The following ASIC2 variants were observed in gnomAD, a reference collection of about 807,000 sequenced individuals.
ASIC2 encodes the protein acid sensing ion channel subunit 2.
Under a neutral mutation model 57.3 loss-of-function variants are expected in ASIC2, and 25 were observed. The observed-to-expected ratio is 0.44, with a 90% CI of 0.32 to 0.61. ASIC2 has a LOEUF of 0.61. Among genes scored for constraint, ASIC2 ranks in the 20% least tolerant of loss-of-function variants. The probability of loss-of-function intolerance (pLI) is 0.06; values close to 1 mark genes in which losing one functional copy is unlikely to be tolerated. For synonymous variants in ASIC2, 319 were observed against 307.5 expected, an observed-to-expected ratio of 1.04 and a Z score of -0.39; for missense variants, 641 against 738.1, an observed-to-expected ratio of 0.87 and a Z score of 1.52.
At chr17:33,151,906 G>C (rs1236569986) in intron 1 of ASIC2, among the ~76,000 whole-genome samples, 1 of 152,222 alleles carries the variant, frequency 6.6e-6, no homozygotes, top group Non-Finnish European at 1.5e-5. Flanking sequence ...ATCACCCTGT[G>C]TTAAGTCATA....
At chr17:33,441,142 T>C (rs998661633) in intron 1 of ASIC2, among the ~76,000 whole-genome samples, 19 of 152,086 alleles carry the variant, frequency 1.2e-4, no homozygotes, top group African/African-American at 4.6e-4. Flanking sequence ...CTAATTTATT[T>C]ACTTATATTT....
chr17:33,395,804 G>T (rs562350812), intron 1 of ASIC2, among the ~76,000 whole-genome samples: 2 of 152,078 alleles, frequency 1.3e-5, no homozygotes, highest in Non-Finnish European at 2.9e-5. Context: ...GAGATGCCTG[G>T]TAATTTGGAA....
chr17:33,337,577 A>G (rs1274922454), intron 1 of ASIC2, among the ~76,000 whole-genome samples: 1 of 152,222 alleles, frequency 6.6e-6, no homozygotes, highest in Non-Finnish European at 1.5e-5. Context: ...AGATGTAATG[A>G]GATAATTCGT....
chr17:33,394,414 T>G (rs1910002658), intron 1 of ASIC2, among the ~76,000 whole-genome samples: 2 of 152,180 alleles, frequency 1.3e-5, no homozygotes, highest in Non-Finnish European at 2.9e-5. Flanking sequence ...CCACCAGAGT[T>G]TCAGATTCAA....
rs1048184560 is a variant in ASIC2, at chr17:33,311,118, G to A, written c.556-199051C>T. Among the ~76,000 whole-genome samples the A allele has an allele frequency of 4.6e-5, 7 of 152,152 alleles. No homozygotes were observed. The South Asian group carries it at 6.2e-4, about 13-fold the overall frequency. On this transcript the variant is annotated intron_variant, in intron 1 of 9. Coordinates refer to the ASIC2 transcript ENST00000359872. ...AGGCTGGAAAGAGAAAGAGAGGGAGGCAGCGCATCCTTAGTTGGGCACCTG... is the reference window on the plus strand; with the variant it reads ...AGGCTGGAAAGAGAAAGAGAGGGAGACAGCGCATCCTTAGTTGGGCACCTG...
intron 6 of ASIC2, among the ~76,000 whole-genome samples, chr17:33,022,742 A>G (rs988236238): frequency 5.9e-5 from 9 of 152,332 alleles, no homozygotes; most frequent in Admixed American, 5.9e-4. Flanking sequence ...CAGAGAACAA[A>G]AAAGATAGTT....
intron 1 of ASIC2, among the ~76,000 whole-genome samples, chr17:33,849,562 C>T (rs1913707490): frequency 6.6e-6 from 1 of 152,052 alleles, no homozygotes; most frequent in South Asian, 2.1e-4. Context: ...CTGGGGGTCA[C>T]CAGGGAGGTG....
chr17:33,311,493 G>A (rs1173281126), intron 1 of ASIC2, among the ~76,000 whole-genome samples: 1 of 151,910 alleles, frequency 6.6e-6, no homozygotes, highest in Non-Finnish European at 1.5e-5. Flanking sequence ...AGTCAGGGTA[G>A]GGGAATGCAG....
At chr17:33,202,342 G>A (rs1383473373) in intron 1 of ASIC2, among the ~76,000 whole-genome samples, 1 of 152,214 alleles carries the variant, frequency 6.6e-6, no homozygotes, top group East Asian at 1.9e-4. Flanking sequence ...GGGCTGTTTG[G>A]AGTCACTGGG....
At chr17:33,155,564 C>CTTTTTTTTTTTTTTTT (rs558082080) in intron 1 of ASIC2, among the ~76,000 whole-genome samples, 1 of 130,820 alleles carries the variant, frequency 7.6e-6, no homozygotes. Context: ...TTCTTTCTTT[C>CTTTTTTTTTTTTTTTT]TTTTTTTTTT....
chr17:33,561,830 G>A (rs947021934), intron 1 of ASIC2, among the ~76,000 whole-genome samples: 2 of 152,208 alleles, frequency 1.3e-5, no homozygotes, highest in African/African-American at 4.8e-5. Context: ...GCTATTCCCA[G>A]AAGTGCAGAT....
intron 3 of ASIC2, among the ~76,000 whole-genome samples, chr17:33,031,047 T>A (rs1379811974): frequency 6.6e-6 from 1 of 152,198 alleles, no homozygotes. Flanking sequence ...AAGTGTTTCC[T>A]CTTTCTCAAT....
chr17:33,287,683 AC>A (rs937134513), intron 1 of ASIC2, among the ~76,000 whole-genome samples: 2 of 151,392 alleles, frequency 1.3e-5, no homozygotes, highest in Non-Finnish European at 2.9e-5. Context: ...CCCAACAGAC[AC>A]CCCCCTCCCC....
chr17:33,528,342 C>G (rs1253763369), intron 1 of ASIC2, among the ~76,000 whole-genome samples: 4 of 152,114 alleles, frequency 2.6e-5, no homozygotes, highest in Admixed American at 2.6e-4. Flanking sequence ...CCCCACCAGA[C>G]CCCTGGAACT....
At chr17:33,920,492 G>A (rs946386615) in intron 1 of ASIC2, among the ~76,000 whole-genome samples, 2 of 152,102 alleles carry the variant, frequency 1.3e-5, no homozygotes, top group African/African-American at 4.8e-5. Context: ...CACTTATATG[G>A]GGAGGTAAAC....
chr17:33,643,081 A>G (rs1266055041), intron 1 of ASIC2, among the ~76,000 whole-genome samples: 1 of 152,216 alleles, frequency 6.6e-6, no homozygotes, highest in African/African-American at 2.4e-5. Context: ...ACAGTAGGAA[A>G]TACATATTGC....
intron 1 of ASIC2, among the ~76,000 whole-genome samples, chr17:34,117,281 G>T (rs1911455153): frequency 6.6e-6 from 1 of 152,158 alleles, no homozygotes; most frequent in African/African-American, 2.4e-5. Flanking sequence ...TTATAGAACA[G>T]CCCAGTTTGT....
chr17:33,815,430 G>A (rs562178558), intron 1 of ASIC2, among the ~76,000 whole-genome samples: 1 of 152,308 alleles, frequency 6.6e-6, no homozygotes, highest in South Asian at 2.1e-4. Context: ...TGCCTCATTA[G>A]CCCAAACCCA....
At chr17:33,482,885 G>T (rs12453631) in intron 1 of ASIC2, among the ~76,000 whole-genome samples, 2 of 152,106 alleles carry the variant, frequency 1.3e-5, no homozygotes, top group Admixed American at 1.3e-4. Flanking sequence ...GAAACACACC[G>T]CAACAAAATC....
Sources: allele counts gnomAD v4.1 joint callset (sites outside exome capture counted in the v4.1 genomes callset), GRCh38; gene constraint gnomAD v4.1.1; transcripts MANE v1.5; gene names NCBI Gene and HGNC (gene_info 2026-07-23, HGNC 2026-07-21).